Variants in DNAI1 observed in about 807,000 individuals in gnomAD.
DNAI1 encodes the protein dynein, axonemal, intermediate polypeptide 1.
A neutral mutation model predicts 92.0 loss-of-function variants in DNAI1; 67 were observed. That is an observed-to-expected ratio of 0.73 (90% CI 0.60 to 0.89). DNAI1 has a LOEUF of 0.89. Among genes scored for constraint, DNAI1 ranks in the 40% least tolerant of loss-of-function variants. The pLI is 0.00. For missense variants in DNAI1, 839 were observed against 866.6 expected (o/e 0.97, Z 0.40); for synonymous variants, 323 against 319.6 (o/e 1.01, Z -0.11).
intron 13 of DNAI1, among the ~76,000 whole-genome samples, chr9:34,511,176 A>G (rs1350216004): frequency 6.6e-6 from 1 of 152,102 alleles, no homozygotes; most frequent in African/African-American, 2.4e-5. Flanking sequence ...AACTCTGGGC[A>G]CCCAGCCCCA....
At chr9:34,501,973 C>T (rs1005522717) in intron 12 of DNAI1, among the ~76,000 whole-genome samples, 3 of 152,204 alleles carry the variant, frequency 2.0e-5, no homozygotes, top group Admixed American at 6.5e-5. Context: ...CCCTTCCCAA[C>T]GGGAGAGGGC....
At chr9:34,483,576 A>C (rs951803808) in intron 2 of DNAI1, 96 bp downstream of exon 2, 1 of 1,232,760 alleles carries the variant, frequency 8.1e-7, no homozygotes, top group Admixed American at 2.0e-5. Context: ...ATGCAAATGA[A>C]CTAAAAGAAG....
chr9:34,489,841 ACT>A (rs1211745787), intron 5 of DNAI1, among the ~76,000 whole-genome samples, 169 bp from the exon 6 acceptor site: 2 of 151,224 alleles, frequency 1.3e-5, no homozygotes, highest in Non-Finnish European at 3.0e-5. Context: ...ACACAGTGAG[ACT>A]CTGTCTCAAA....
At position 34,483,452 on chromosome 9, in the gene DNAI1, T is replaced by A. The variant is rs934522385; in HGVS notation, c.53T>A (p.Ile18Asn). 6.2e-7 allele frequency: 1 copy of A among 1,612,218 alleles called. No homozygotes were observed. Among genetic ancestry groups the A allele is most frequent in the Non-Finnish European group, 8.5e-7 (1 of 1,179,762 alleles). ...TGTTTTCTGTTCTTCATTTAGAGCA[T>A]CAGCATAGGCAGAGGAACCAGGAAG... ...APHKQPHKQSISIGRGTRKRD... is the reference protein window; with the variant it reads ...APHKQPHKQSNSIGRGTRKRD... Residue 18 changes from isoleucine to asparagine, a missense_variant, in exon 2 of 20, where the codon ATC becomes AAC. Coordinates refer to ENST00000242317, the MANE Select transcript of DNAI1 (RefSeq NM_012144.4).
At chr9:34,469,260 CTTT>C (rs35082433) in intron 1 of DNAI1, among the ~76,000 whole-genome samples, 13 of 80,180 alleles carry the variant, frequency 1.6e-4, no homozygotes, top group African/African-American at 3.7e-4. Context: ...AATGGAATGG[CTTT>C]TTTTTTTTTT....
chr9:34,465,623 C>A (rs1032485114), intron 1 of DNAI1, among the ~76,000 whole-genome samples: 2 of 152,182 alleles, frequency 1.3e-5, no homozygotes, highest in African/African-American at 2.4e-5. Flanking sequence ...TGTTTTCCTC[C>A]CCTGTGTACT....
intron 1 of DNAI1, among the ~76,000 whole-genome samples, chr9:34,470,708 G>A (rs918069143): frequency 6.6e-6 from 1 of 152,186 alleles, no homozygotes; most frequent in Non-Finnish European, 1.5e-5. Context: ...TCTGAACAGT[G>A]CTGTTAACCA....
intron 12 of DNAI1, among the ~76,000 whole-genome samples, chr9:34,504,438 G>A (rs10972139): frequency 0.023 from 3,548 of 152,284 alleles, 61 homozygotes; most frequent in Non-Finnish European, 0.036. Flanking sequence ...TGCGGGCTGC[G>A]TAAAATTTAC....
At chr9:34,520,507 G>A (rs968101247) in intron 19 of DNAI1, 151 bp from the exon 20 acceptor site, 25 of 741,116 alleles carry the variant, frequency 3.4e-5, no homozygotes, top group Non-Finnish European at 5.0e-5. Context: ...GGGAATGATC[G>A]TGTCAGGGAG....
Position 34,459,073 on chromosome 9 carries a change from C to G in DNAI1, c.48+20C>G. The G allele has an allele frequency of 6.2e-7, 1 of 1,612,164 alleles. No homozygotes were observed. Among genetic ancestry groups the G allele is most frequent in the South Asian group, 1.1e-5 (1 of 91,028 alleles). On this transcript the variant is annotated intron_variant, in intron 1 of 19. Coordinates refer to ENST00000242317, the MANE Select transcript of DNAI1 (RefSeq NM_012144.4). ...AAGCAGGTAACGTACGCACACCTTC[C>G]TTCTGATGACCTCTGACCTTCGTCG...
intron 12 of DNAI1, among the ~76,000 whole-genome samples, chr9:34,503,133 G>A (rs2132074119): frequency 6.6e-6 from 1 of 152,276 alleles, no homozygotes; most frequent in South Asian, 2.1e-4. Flanking sequence ...GTTGTCACTG[G>A]CTCTGGGGTT....
In DNAI1 at chr9:34,517,487, G is replaced by T; in HGVS notation, c.2001+20G>T. 1 of 1,614,142 alleles carries T rather than the reference G, an allele frequency of 6.2e-7. No homozygotes were observed. Among genetic ancestry groups the T allele is most frequent in the Non-Finnish European group, 8.5e-7 (1 of 1,180,008 alleles). On this transcript the variant is annotated intron_variant, in intron 19 of 19. Coordinates refer to ENST00000242317, the MANE Select transcript of DNAI1 (RefSeq NM_012144.4). ...CCAAAGGTACAGGCTCTGGGACTTT[G>T]AGCTGCTGCAAGACGTAAAGTCTCC...
intron 4 of DNAI1, chr9:34,489,026 C>G (rs1014504607): frequency 1.9e-5 from 7 of 375,460 alleles, no homozygotes; most frequent in Non-Finnish European, 3.6e-5. Context: ...AAGTAGGAGA[C>G]AAGACATATA....
At chr9:34,481,844 G>A (rs1824363131) in intron 1 of DNAI1, among the ~76,000 whole-genome samples, 1 of 152,214 alleles carries the variant, frequency 6.6e-6, no homozygotes. Flanking sequence ...CAAAGAGTGA[G>A]CAGTAGCAAG....
chr9:34,469,339 C>T (rs1374078448), intron 1 of DNAI1, among the ~76,000 whole-genome samples: 1 of 145,058 alleles, frequency 6.9e-6, no homozygotes, highest in African/African-American at 2.6e-5. Flanking sequence ...GCTCACAGCT[C>T]ACTGGAGACT....
At chr9:34,483,354 G>T in intron 1 of DNAI1, 94 bp from the exon 2 acceptor site, 1 of 1,279,592 alleles carries the variant, frequency 7.8e-7, no homozygotes, top group South Asian at 1.3e-5. Context: ...TTGACTGTGA[G>T]ATCCCTGGGC....
At chr9:34,491,735 A>AG (rs1564033610) in intron 8 of DNAI1, among the ~76,000 whole-genome samples, 181 bp downstream of exon 8, 1 of 152,198 alleles carries the variant, frequency 6.6e-6, no homozygotes, top group Non-Finnish European at 1.5e-5. Context: ...ATGAGACAGT[A>AG]GGTCCCTATC....
chr9:34,481,326 G>A (rs560621608), intron 1 of DNAI1, among the ~76,000 whole-genome samples: 2 of 152,350 alleles, frequency 1.3e-5, no homozygotes, highest in East Asian at 3.9e-4. Flanking sequence ...AAAAATATTT[G>A]TTGAACCAGT....
intron 1 of DNAI1, among the ~76,000 whole-genome samples, chr9:34,477,924 CTTTTTTTTTTTTTTTT>C (rs74180566): frequency 4.1e-5 from 2 of 49,008 alleles, no homozygotes; most frequent in Non-Finnish European, 8.1e-5. Context: ...CTCTCTCTCT[CTTTTTTTTTTTTTTTT>C]TTTTTTTTTA....
Sources: allele counts gnomAD v4.1 joint callset (sites outside exome capture counted in the v4.1 genomes callset), GRCh38; gene constraint gnomAD v4.1.1; transcripts MANE v1.5; gene names NCBI Gene and HGNC (gene_info 2026-07-23, HGNC 2026-07-21).